C4orf17: variants seen among roughly 807,000 people sequenced by gnomAD.
The protein encoded by C4orf17 is chromosome 4 open reading frame 17, also known as uncharacterized protein C4orf17.
In C4orf17, 25 loss-of-function variants were observed where a neutral mutation model predicts 32.0. The ratio of observed to expected loss-of-function variants is 0.78; its 90% CI spans 0.57 to 1.09. The LOEUF is 1.09. Ranked by LOEUF, C4orf17 falls within the 50% of genes least tolerant of loss-of-function variation. The pLI is 0.00. For synonymous variants in C4orf17, 149 were observed against 145.8 expected (o/e 1.02, Z -0.16); for missense variants, 420 against 420.0 (o/e 1.00, Z 0.00).
intron 5 of C4orf17, among the ~76,000 whole-genome samples, chr4:99,533,527 A>G (rs1723511156): frequency 6.6e-6 from 1 of 152,184 alleles, no homozygotes; most frequent in Non-Finnish European, 1.5e-5. Flanking sequence ...GCCTGAACAG[A>G]GAGCAGCAGC....
At chr4:99,535,209 G>T (rs192033950) in intron 5 of C4orf17, among the ~76,000 whole-genome samples, 1 of 152,230 alleles carries the variant, frequency 6.6e-6, no homozygotes, top group African/African-American at 2.4e-5. Flanking sequence ...TGACGATGAT[G>T]TATCTTAGGG....
At chr4:99,535,113 C>T (rs1723540784) in intron 5 of C4orf17, among the ~76,000 whole-genome samples, 1 of 152,132 alleles carries the variant, frequency 6.6e-6, no homozygotes, top group Non-Finnish European at 1.5e-5. Flanking sequence ...CTGGTGTTAG[C>T]CTGATGGACT....
intron 4 of C4orf17, 144 bp downstream of exon 4, chr4:99,524,729 A>G: frequency 1.8e-6 from 1 of 544,324 alleles, no homozygotes; most frequent in Non-Finnish European, 3.3e-6. Flanking sequence ...AATATAAGAT[A>G]CACATATTCA....
At chr4:99,513,317 A>G (rs1183171725) in intron 2 of C4orf17, 109 bp downstream of exon 2, 19 of 1,380,044 alleles carry the variant, frequency 1.4e-5, no homozygotes, top group Admixed American at 1.2e-4. Flanking sequence ...TAACCACTGG[A>G]GAGGTATGGG....
chr4:99,536,153 G>A (rs754301294), intron 5 of C4orf17: 1 of 315,886 alleles, frequency 3.2e-6, no homozygotes, highest in Non-Finnish European at 6.2e-6. Context: ...TGCTCCTATA[G>A]GAGGTGTGTA....
chr4:99,533,220 CTG>C (rs1359904756), intron 5 of C4orf17, among the ~76,000 whole-genome samples: 1 of 152,192 alleles, frequency 6.6e-6, no homozygotes, highest in African/African-American at 2.4e-5. Context: ...ATAGTTAGAA[CTG>C]TACTTTAGAA....
In C4orf17 at chr4:99,539,164, A is replaced by T; in HGVS notation, c.630A>T (p.Glu210Asp). Reference sequence around the variant, plus strand: ...ACCCTTTTTTGTCTTTTAAACCAGAAAAAGAGTGGGTCTCAGCTTTGATTC... The same window carrying T: ...ACCCTTTTTTGTCTTTTAAACCAGATAAAGAGTGGGTCTCAGCTTTGATTC... ...LQWLLHATSK[E>D]KEWVSALIHS... The change falls in exon 7 of 9, where the codon GAA (glutamate) becomes GAT (aspartate). Residue 210 changes from glutamate (E) to aspartate (D), a missense_variant and splice_region_variant. By Grantham distance (45) the Glu-to-Asp change is conservative. Coordinates refer to ENST00000326581, the MANE Select transcript of C4orf17 (RefSeq NM_032149.3). 6.2e-7 allele frequency: 1 copy of T among 1,613,736 alleles called. No homozygotes were observed.
At chr4:99,530,031 T>A in intron 5 of C4orf17, 73 bp downstream of exon 5, 1 of 1,180,692 alleles carries the variant, frequency 8.5e-7, no homozygotes, top group Non-Finnish European at 1.2e-6. Context: ...ACCACTAGCA[T>A]CCTTAAAACT....
intron 2 of C4orf17, among the ~76,000 whole-genome samples, chr4:99,513,962 T>C (rs1578185499): frequency 6.6e-6 from 1 of 152,136 alleles, no homozygotes; most frequent in African/African-American, 2.4e-5. Context: ...TTGGACTTCA[T>C]GGGGTGAACC....
intron 1 of C4orf17, among the ~76,000 whole-genome samples, chr4:99,511,680 T>C (rs899475731): frequency 6.6e-6 from 1 of 152,150 alleles, no homozygotes; most frequent in African/African-American, 2.4e-5. Flanking sequence ...CCAAATTGTC[T>C]GCTGTACTCT....
Position 99,537,737 on chromosome 4 carries a change from T to A in C4orf17, c.615T>A (p.His205Gln). 4 of 1,611,732 alleles carry A rather than the reference T, an allele frequency of 2.5e-6. No individual in the cohort carries two copies. Among genetic ancestry groups the A allele is most frequent in the Non-Finnish European group, 2.5e-6 (3 of 1,179,112 alleles). ...SLAEVLQWLL[H>Q]ATSKEKEWVS... is the part of the protein sequence containing the mutation. The stretch of plus-strand genomic sequence containing the variant: ...CAGAAGTTTTACAGTGGCTGCTTCA[T>A]GCAACTTCAAAAGGTGCGATTAAGA... The change falls in exon 6 of 9, where the codon CAT becomes CAA. Residue 205 changes from histidine to glutamine, a missense_variant. By Grantham distance (24) the His-to-Gln change is conservative. Coordinates refer to ENST00000326581, the MANE Select transcript of C4orf17 (RefSeq NM_032149.3).
chr4:99,522,651 T>A lies in C4orf17; in HGVS notation c.279T>A (p.Pro93=). 6.2e-7 allele frequency: 1 copy of A among 1,614,074 alleles called. No individual in the cohort carries two copies. The highest frequency in any genetic ancestry group is 8.5e-7 in the Non-Finnish European group (1 of 1,179,980). The change falls in exon 3 of 9, where the codon CCT becomes CCA. Residue 93 remains proline (P), a synonymous_variant. Transcript: ENST00000326581. Reference sequence around the variant, plus strand: ...CCAGCACTGCAGTCCAGGAGAGCCCTGTAAGAGGAATGTCGCCAGCCCCAA... The same window carrying A: ...CCAGCACTGCAGTCCAGGAGAGCCCAGTAAGAGGAATGTCGCCAGCCCCAA... ...YPSSTAVQES[P]VRGMSPAPNG...
intron 2 of C4orf17, among the ~76,000 whole-genome samples, chr4:99,520,771 T>C (rs1723274841): frequency 6.6e-6 from 1 of 152,250 alleles, no homozygotes; most frequent in African/African-American, 2.4e-5. Context: ...ACAAACTTTG[T>C]TAATAGCTTT....
chr4:99,517,543 CTCTCTTTCCCTCTT>C (rs71866040), intron 2 of C4orf17, among the ~76,000 whole-genome samples: 9,549 of 149,224 alleles, frequency 0.064, 540 homozygotes, highest in South Asian at 0.17. Context: ...CCCTTCCTGT[CTCTCTTTCCCTCTT>C]TCTCTTTCTT....
In C4orf17 at chr4:99,536,191, G is replaced by C. The variant is rs987946167; in HGVS notation, c.547-1478G>C. 3.6e-5 allele frequency: 8 copies of C among 224,740 alleles called. No individual in the cohort carries two copies. In the Admixed American group the frequency reaches 4.7e-4, roughly 13 times the overall value. 13.9% of individuals were successfully genotyped at this position (224,740 alleles called of 1,614,324 possible). On this transcript the variant is annotated intron_variant, in intron 5 of 8. Coordinates refer to ENST00000326581, the MANE Select transcript of C4orf17 (RefSeq NM_032149.3). Reference sequence around the variant, plus strand: ...GGCTTCTATTGGGAGGTATTACCGGGTCAGGAGGAATGGGATCAGGGACCT... The same window carrying C: ...GGCTTCTATTGGGAGGTATTACCGGCTCAGGAGGAATGGGATCAGGGACCT...
chr4:99,526,689 T>C (rs889157473), intron 4 of C4orf17, among the ~76,000 whole-genome samples: 3 of 151,490 alleles, frequency 2.0e-5, no homozygotes, highest in Non-Finnish European at 2.9e-5. Context: ...ATTTGGGTTG[T>C]CTATTTCTTC....
intron 2 of C4orf17, among the ~76,000 whole-genome samples, chr4:99,518,291 C>T (rs1578187271): frequency 6.6e-6 from 1 of 151,178 alleles, no homozygotes; most frequent in East Asian, 2.0e-4. Context: ...CAGTAGCTCA[C>T]ACTTGCAATC....
chr4:99,529,863 A>G lies in C4orf17; in HGVS notation c.451A>G (p.Thr151Ala). 6.2e-7 allele frequency: 1 copy of G among 1,613,178 alleles called. No individual in the cohort carries two copies. The highest frequency in any genetic ancestry group is 8.5e-7 in the Non-Finnish European group (1 of 1,179,478). ...ACCATCACCTCCAAAGGCATGCTCT[A>G]CTCCTGGCTCCTGTTCTTCAGGGAT... Reference protein sequence around the residue: ...RPPSPPKACSTPGSCSSGMTS... With the variant: ...RPPSPPKACSAPGSCSSGMTS... Residue 151 changes from threonine (T) to alanine (A), a missense_variant, in exon 5 of 9, where the codon ACT becomes GCT. By Grantham distance (58) the Thr-to-Ala change is moderately conservative. Transcript: ENST00000326581.
intron 4 of C4orf17, among the ~76,000 whole-genome samples, chr4:99,526,651 CT>C (rs145120945): frequency 0.012 from 1,638 of 137,504 alleles, 22 homozygotes; most frequent in African/African-American, 0.033. Flanking sequence ...CTTTTCTTTT[CT>C]TTTTTTTTTT....
Sources: gnomAD v4.1 joint callset for allele counts (sites outside exome capture counted in the v4.1 genomes callset) on GRCh38, gnomAD v4.1.1 for gene constraint, MANE v1.5 for transcripts, NCBI Gene and HGNC (gene_info 2026-07-23, HGNC 2026-07-21) for gene names.